The following FNDC3B variants were observed in gnomAD, a reference collection of about 807,000 sequenced individuals.
FNDC3B encodes fibronectin type III domain-containing protein 3B.
Under a neutral mutation model 151.5 loss-of-function variants are expected in FNDC3B, and 12 were observed. The ratio of observed to expected loss-of-function variants is 0.08; its 90% CI spans 0.05 to 0.13. The LOEUF (loss-of-function observed/expected upper bound fraction) is 0.13, where lower values mean the gene tolerates loss of function less well. Ranked by LOEUF, FNDC3B falls within the 10% of genes least tolerant of loss-of-function variation. The pLI is 1.00. For missense variants in FNDC3B, 1,214 were observed against 1,505.3 expected (o/e 0.81, Z 3.20); for synonymous variants, 528 against 549.0 (o/e 0.96, Z 0.54).
chr3:172,141,847 T>C (rs1323406361), intron 3 of FNDC3B, among the ~76,000 whole-genome samples: 2 of 150,250 alleles, frequency 1.3e-5, no homozygotes, highest in Admixed American at 6.6e-5. Context: ...TGAGACTGCG[T>C]CTCAAAAAAA....
At chr3:172,332,531 A>G (rs1401368068) in intron 13 of FNDC3B, among the ~76,000 whole-genome samples, 1 of 152,220 alleles carries the variant, frequency 6.6e-6, no homozygotes, top group African/African-American at 2.4e-5. Context: ...AGCCTAGAGG[A>G]CAGCCCAACA....
intron 3 of FNDC3B, among the ~76,000 whole-genome samples, chr3:172,207,217 A>G (rs1358934397): frequency 6.6e-6 from 1 of 152,192 alleles, no homozygotes; most frequent in Non-Finnish European, 1.5e-5. Flanking sequence ...GAAACAGGAT[A>G]TTAATTTGCA....
At chr3:172,105,186 A>G (rs1035869291) in intron 1 of FNDC3B, among the ~76,000 whole-genome samples, 3 of 152,166 alleles carry the variant, frequency 2.0e-5, no homozygotes, top group Non-Finnish European at 4.4e-5. Context: ...GCATTTATAC[A>G]TAAAGGCCAC....
intron 1 of FNDC3B, among the ~76,000 whole-genome samples, chr3:172,062,083 T>G (rs6773362): frequency 0.64 from 96,854 of 151,976 alleles, 31,081 homozygotes; most frequent in East Asian, 0.79. Flanking sequence ...ACTTCTTCCT[T>G]AATAGTTTTT....
intron 3 of FNDC3B, chr3:172,225,986 T>A (rs1175453010): frequency 6.6e-6 from 1 of 152,204 alleles, no homozygotes; most frequent in Non-Finnish European, 1.5e-5. Flanking sequence ...AAATTTGGCA[T>A]ACATATTTTT....
At chr3:172,065,805 A>G (rs1717470444) in intron 1 of FNDC3B, among the ~76,000 whole-genome samples, 1 of 152,244 alleles carries the variant, frequency 6.6e-6, no homozygotes, top group Admixed American at 6.5e-5. Context: ...TGTTTATATT[A>G]GAACACTGGC....
intron 3 of FNDC3B, among the ~76,000 whole-genome samples, chr3:172,166,494 G>A (rs930926339): frequency 1.3e-4 from 20 of 152,186 alleles, no homozygotes; most frequent in African/African-American, 4.6e-4. Context: ...CAGTCTGCTT[G>A]TTCCAGCCTT....
intron 4 of FNDC3B, 93 bp from the exon 5 acceptor site, chr3:172,247,440 G>C: frequency 2.9e-6 from 4 of 1,388,540 alleles, no homozygotes; most frequent in Non-Finnish European, 3.9e-6. Context: ...TGGTGGAAGA[G>C]AAAAGTAAAA....
intron 11 of FNDC3B, among the ~76,000 whole-genome samples, chr3:172,325,798 A>C (rs2108278470): frequency 6.6e-6 from 1 of 152,216 alleles, no homozygotes; most frequent in Non-Finnish European, 1.5e-5. Context: ...TGTGAACATT[A>C]ATTTTTTTCT....
Position 172,352,879 on chromosome 3 carries a change from T to C in FNDC3B, c.2591T>C (p.Val864Ala). ...ACGCCAGCGTCTGCCCCTGACCCCG[T>C]CTCCACTCTCTGTGTCCTGGAGGAG... ...CQTPASAPDP[V>A]STLCVLEEEP... Residue 864 changes from valine (V) to alanine (A), a missense_variant, in exon 22 of 26, where the codon GTC (valine) becomes GCC (alanine). Physicochemically the swap from Val to Ala is moderately conservative, Grantham distance 64 (BLOSUM62 0). Around this residue, in one of 7 missense-constraint regions of FNDC3B, gnomAD observed 380 missense variants for 420.9 expected, o/e 0.90. Coordinates refer to ENST00000415807, the MANE Select transcript of FNDC3B (RefSeq NM_022763.4). This position sits in a 1 kb window ranked among gnomAD's most constrained non-coding sequence, Gnocchi z 4.2. 6.2e-7 allele frequency: 1 copy of C among 1,614,182 alleles called. No homozygotes were observed. The highest frequency in any genetic ancestry group is 8.5e-7 in the Non-Finnish European group (1 of 1,180,004).
intron 21 of FNDC3B, among the ~76,000 whole-genome samples, chr3:172,347,765 G>A (rs569319971): frequency 6.6e-6 from 1 of 152,234 alleles, no homozygotes. Flanking sequence ...ATTATTTTAC[G>A]AGCTGTTAAA....
intron 16 of FNDC3B, among the ~76,000 whole-genome samples, chr3:172,338,765 C>T (rs1050989833): frequency 1.3e-5 from 2 of 152,296 alleles, no homozygotes; most frequent in South Asian, 2.1e-4. Flanking sequence ...GACGGAGTCT[C>T]GCTCTGTCGC....
intron 6 of FNDC3B, among the ~76,000 whole-genome samples, chr3:172,256,503 G>A (rs547627502): frequency 1.3e-5 from 2 of 152,274 alleles, no homozygotes; most frequent in East Asian, 3.9e-4. Context: ...CTGTTCTGTG[G>A]CCAAAACCCA....
At chr3:172,293,822 A>AT (rs1490500734) in intron 7 of FNDC3B, among the ~76,000 whole-genome samples, 5 of 152,202 alleles carry the variant, frequency 3.3e-5, no homozygotes, top group African/African-American at 1.2e-4. Flanking sequence ...CTCTGCATTC[A>AT]TTTTCCATAT....
intron 25 of FNDC3B, among the ~76,000 whole-genome samples, chr3:172,388,473 T>A (rs562343962): frequency 6.6e-6 from 1 of 152,272 alleles, no homozygotes; most frequent in South Asian, 2.1e-4. Context: ...ATAAAAAAAA[T>A]CTCAAATGGA....
chr3:172,137,070 C>T (rs1184355006), intron 3 of FNDC3B, among the ~76,000 whole-genome samples: 3 of 152,006 alleles, frequency 2.0e-5, no homozygotes, highest in Non-Finnish European at 4.4e-5. Context: ...TGAAGTCATA[C>T]CCATTGATTA....
chr3:172,127,139 T>G (rs955868747), intron 2 of FNDC3B: 12 of 453,882 alleles, frequency 2.6e-5, no homozygotes, highest in Middle Eastern at 3.2e-4. Context: ...AGACTGTAAT[T>G]TTACTTAACT....
chr3:172,177,608 A>G lies in FNDC3B; in HGVS notation c.187+44062A>G, dbSNP rs1723662292. Among the ~76,000 whole-genome samples the G allele has an allele frequency of 3.2e-5, 4 of 126,608 alleles. No homozygotes were observed. The South Asian group carries it at 1.0e-3, about 32-fold the overall frequency. 83.1% of individuals were successfully genotyped at this position (126,608 alleles called of 152,430 possible). A position where few individuals can be genotyped will look rare whatever the true frequency, so the allele number is the denominator to read the frequency against. On this transcript the variant is annotated intron_variant, in intron 3 of 25. Coordinates refer to ENST00000415807, the MANE Select transcript of FNDC3B (RefSeq NM_022763.4). ...ATTTACCAAATAGCTCTGAGGAAGG[A>G]ATCATTTTTACCACCATCTTTTTTT...
intron 3 of FNDC3B, among the ~76,000 whole-genome samples, chr3:172,185,782 G>A (rs773426071): frequency 1.3e-5 from 2 of 152,172 alleles, no homozygotes; most frequent in Non-Finnish European, 1.5e-5. Flanking sequence ...ATAATTTGAC[G>A]TATTTGCGGT....
Sources: allele counts gnomAD v4.1 joint callset (sites outside exome capture counted in the v4.1 genomes callset), GRCh38; gene constraint gnomAD v4.1.1; regional missense constraint gnomAD v4.1.1; non-coding constraint Gnocchi (gnomAD v3.1); transcripts MANE v1.5; gene names NCBI Gene and HGNC (gene_info 2026-07-23, HGNC 2026-07-21).